BICRAL: variants seen among roughly 807,000 people sequenced by gnomAD.
BICRAL encodes BICRA like chromatin remodeling complex associated protein, also known as BRD4-interacting chromatin-remodeling complex-associated protein-like.
Under a neutral mutation model 91.8 loss-of-function variants are expected in BICRAL, and 8 were observed. That is an observed-to-expected ratio of 0.09 (90% CI 0.05 to 0.16). BICRAL has a LOEUF of 0.16. Ranked by LOEUF, BICRAL falls within the 10% of genes least tolerant of loss-of-function variation. BICRAL has a pLI of 1.00. For synonymous variants in BICRAL, 445 were observed against 491.1 expected, an observed-to-expected ratio of 0.91 and a Z score of 1.24; for missense variants, 1,038 against 1,310.9, an observed-to-expected ratio of 0.79 and a Z score of 3.21.
At chr6:42,811,383 G>T (rs1763838219) in intron 2 of BICRAL, among the ~76,000 whole-genome samples, 1 of 152,192 alleles carries the variant, frequency 6.6e-6, no homozygotes, top group South Asian at 2.1e-4. Context: ...AGCACTTTGG[G>T]AGGCCAAGGC....
chr6:42,864,232 C>T (rs539086197), intron 12 of BICRAL, among the ~76,000 whole-genome samples: 15 of 151,832 alleles, frequency 9.9e-5, no homozygotes, highest in Non-Finnish European at 1.6e-4. Flanking sequence ...CCCAGCTACT[C>T]GAGAGGCTGA....
At chr6:42,861,261 G>A (rs1008818170) in intron 11 of BICRAL, among the ~76,000 whole-genome samples, 18 of 152,132 alleles carry the variant, frequency 1.2e-4, no homozygotes, top group Admixed American at 4.6e-4. Flanking sequence ...GCAGTGAGCC[G>A]AGATCGCACC....
At chr6:42,801,990 T>G (rs1476485565) in intron 1 of BICRAL, among the ~76,000 whole-genome samples, 1 of 152,088 alleles carries the variant, frequency 6.6e-6, no homozygotes, top group Non-Finnish European at 1.5e-5. Flanking sequence ...AAATATATCA[T>G]AATGCTGGGC....
chr6:42,809,430 ATTTTTTTTTTT>A (rs989054840), intron 1 of BICRAL, among the ~76,000 whole-genome samples: 1 of 111,944 alleles, frequency 8.9e-6, no homozygotes, highest in African/African-American at 3.3e-5. Flanking sequence ...AACTATGAGA[ATTTTTTTTTTT>A]TTTTTTTTTT....
chr6:42,816,082 A>G (rs150004171), intron 2 of BICRAL, among the ~76,000 whole-genome samples: 309 of 151,180 alleles, frequency 2.0e-3, no homozygotes, highest in African/African-American at 7.2e-3. Flanking sequence ...AAATATTCTA[A>G]GGGCTGGGCA....
At chr6:42,803,574 A>G (rs950194220) in intron 1 of BICRAL, among the ~76,000 whole-genome samples, 2 of 152,200 alleles carry the variant, frequency 1.3e-5, no homozygotes, top group African/African-American at 2.4e-5. Flanking sequence ...TTTGGAAACC[A>G]GAATCTTAGG....
chr6:42,834,408 A>G (rs532772432), intron 6 of BICRAL, among the ~76,000 whole-genome samples: 2 of 152,326 alleles, frequency 1.3e-5, no homozygotes, highest in Admixed American at 6.5e-5. Context: ...TTTCTCATCA[A>G]ACTTGCACAT....
chr6:42,824,100 G>A (rs185627458), intron 5 of BICRAL, among the ~76,000 whole-genome samples: 9 of 150,756 alleles, frequency 6.0e-5, no homozygotes, highest in East Asian at 4.0e-4. Flanking sequence ...GTGTGGTGGC[G>A]CGTGCCTGTA....
chr6:42,769,528 C>T (rs1002460719), intron 1 of BICRAL, among the ~76,000 whole-genome samples: 1 of 152,156 alleles, frequency 6.6e-6, no homozygotes, highest in Non-Finnish European at 1.5e-5. Context: ...CATATCTGGT[C>T]AAGAAACATT....
rs779172566 is a variant in BICRAL at position 42,829,550 on chromosome 6, G to A, written c.1217G>A (p.Ser406Asn). 4 of 1,614,152 alleles carry A rather than the reference G, an allele frequency of 2.5e-6. No homozygotes were observed. In the South Asian group the frequency reaches 4.4e-5, roughly 18 times the overall value. ...CAAAGTCAGTTCCTTATACCTACAA[G>A]CCTTTCTGTCAGTTCCAACTCGGTA... ...APQSQFLIPT[S>N]LSVSSNSVHH... is the part of the protein sequence containing the mutation. Residue 406 changes from serine (S) to asparagine (N), a missense_variant, in exon 6 of 13, where the codon AGC becomes AAC. By Grantham distance (46) the Ser-to-Asn change is conservative. Around this residue, in one of 5 missense-constraint regions of BICRAL, gnomAD observed 532 missense variants for 724.9 expected, o/e 0.73. Coordinates refer to ENST00000314073, the MANE Select transcript of BICRAL (RefSeq NM_001393499.1).
At chr6:42,778,867 G>C (rs1311959770), upstream of BICRAL, among the ~76,000 whole-genome samples, 2 of 152,040 alleles carry the variant, frequency 1.3e-5, no homozygotes, top group Non-Finnish European at 2.9e-5. Flanking sequence ...GCCCAGGCTG[G>C]AGTGCAATGG....
chr6:42,802,203 A>G (rs1328243700), intron 1 of BICRAL, among the ~76,000 whole-genome samples: 4 of 152,038 alleles, frequency 2.6e-5, no homozygotes, highest in African/African-American at 4.8e-5. Context: ...AGCCATGTTC[A>G]TGCCATCGTA....
intron 1 of BICRAL, among the ~76,000 whole-genome samples, chr6:42,770,561 C>T (rs1762703885): frequency 6.6e-6 from 1 of 151,812 alleles, no homozygotes. Context: ...ATTACAGGCA[C>T]CTGCCACCAT....
chr6:42,831,745 C>CCT (rs796400023), intron 6 of BICRAL, among the ~76,000 whole-genome samples: 1 of 144,756 alleles, frequency 6.9e-6, no homozygotes. Context: ...ATTTCAAAAT[C>CCT]TTTTTTTTTT....
At chr6:42,796,156 T>C (rs1763408861) in intron 1 of BICRAL, among the ~76,000 whole-genome samples, 2 of 152,202 alleles carry the variant, frequency 1.3e-5, no homozygotes, top group Admixed American at 1.3e-4. Flanking sequence ...CCCTGTTCTC[T>C]TGGGAAAGAC....
chr6:42,794,943 A>ACGCTGGGC, intron 1 of BICRAL, among the ~76,000 whole-genome samples: 1 of 150,074 alleles, frequency 6.7e-6, no homozygotes, highest in Non-Finnish European at 1.5e-5. Context: ...CCTGGGCAAC[A>ACGCTGGGC]AGAGCAAAAC....
intron 1 of BICRAL, among the ~76,000 whole-genome samples, chr6:42,756,881 G>A (rs1346609401): frequency 1.4e-5 from 2 of 147,442 alleles, no homozygotes; most frequent in African/African-American, 2.5e-5. Flanking sequence ...GCTCTCGCGC[G>A]CGCGCTCTCT....
intron 1 of BICRAL, among the ~76,000 whole-genome samples, chr6:42,803,416 A>G (rs1763628722): frequency 6.6e-6 from 1 of 152,194 alleles, no homozygotes. Flanking sequence ...ATAAGGGTCC[A>G]GCATTAGTCA....
chr6:42,781,091 A>G (rs1331020613), upstream of BICRAL, among the ~76,000 whole-genome samples: 3 of 152,040 alleles, frequency 2.0e-5, no homozygotes, highest in African/African-American at 7.2e-5. Flanking sequence ...AGAAGTTTCA[A>G]CAATTTGAGA....
Sources: allele counts gnomAD v4.1 joint callset (sites outside exome capture counted in the v4.1 genomes callset), GRCh38; gene constraint gnomAD v4.1.1; regional missense constraint gnomAD v4.1.1; transcripts MANE v1.5; gene names NCBI Gene and HGNC (gene_info 2026-07-23, HGNC 2026-07-21).